NKTR: variants seen among roughly 807,000 people sequenced by gnomAD.
NKTR encodes NK-tumor recognition protein.
NKTR carries 67 observed loss-of-function variants against 156.3 expected under a neutral mutation model. The ratio of observed to expected loss-of-function variants is 0.43; its 90% confidence interval spans 0.35 to 0.53. The LOEUF is 0.53. NKTR is among the 20% of genes least tolerant of loss of function. The probability of loss-of-function intolerance (pLI) is 0.01; values close to 1 mark genes in which losing one functional copy is unlikely to be tolerated. For missense variants in NKTR, 1,604 were observed against 1,730.9 expected, an observed-to-expected ratio of 0.93 and a Z score of 1.30; for synonymous variants, 640 against 596.6, an observed-to-expected ratio of 1.07 and a Z score of -1.06.
At chr3:42,613,843 A>C (rs911887733) in intron 2 of NKTR, among the ~76,000 whole-genome samples, 1 of 152,160 alleles carries the variant, frequency 6.6e-6, no homozygotes, top group Admixed American at 6.6e-5. Context: ...TTTCGGATTA[A>C]ATTTAGAAAC....
intron 6 of NKTR, chr3:42,630,088 A>G (rs1388241846): frequency 1.0e-6 from 1 of 986,566 alleles, no homozygotes; most frequent in Non-Finnish European, 1.2e-6. Flanking sequence ...AGAAATAACA[A>G]GAAAACATTT....
chr3:42,631,815 C>T (rs952195475), intron 8 of NKTR, among the ~76,000 whole-genome samples: 1 of 152,154 alleles, frequency 6.6e-6, no homozygotes. Flanking sequence ...TCTCTAAACT[C>T]TTTTCCCTTA....
chr3:42,612,340 A>G (rs1002703339), intron 2 of NKTR: 1 of 152,184 alleles, frequency 6.6e-6, no homozygotes, highest in Non-Finnish European at 1.5e-5. Flanking sequence ...ACCTTTTTCC[A>G]CTGATTTTTG....
chr3:42,613,151 A>G (rs1463919871), intron 2 of NKTR, among the ~76,000 whole-genome samples: 1 of 152,114 alleles, frequency 6.6e-6, no homozygotes, highest in African/African-American at 2.4e-5. Flanking sequence ...TAGGTTATAT[A>G]TAAGTGCCCT....
intron 2 of NKTR, among the ~76,000 whole-genome samples, chr3:42,615,762 C>T (rs1707300018): frequency 6.6e-6 from 1 of 152,048 alleles, no homozygotes; most frequent in Non-Finnish European, 1.5e-5. Flanking sequence ...ACCAGCTAAG[C>T]CATTTCCCAG....
intron 13 of NKTR, among the ~76,000 whole-genome samples, chr3:42,641,887 A>G (rs1577588915): frequency 6.6e-6 from 1 of 152,074 alleles, no homozygotes; most frequent in Non-Finnish European, 1.5e-5. Flanking sequence ...AAAAAAAAAA[A>G]AAATAGAGCT....
intron 8 of NKTR, among the ~76,000 whole-genome samples, chr3:42,631,792 G>C (rs535367613): frequency 3.7e-4 from 57 of 152,284 alleles, no homozygotes; most frequent in Non-Finnish European, 6.9e-4. Flanking sequence ...GGCTGGTCTG[G>C]CTCTCTGCTG....
chr3:42,619,228 A>G (rs1020621578), intron 4 of NKTR, 101 bp downstream of exon 4: 4 of 1,537,202 alleles, frequency 2.6e-6, no homozygotes, highest in Non-Finnish European at 3.5e-6. Flanking sequence ...ACAGTATGAT[A>G]TAAAATGTGG....
intron 6 of NKTR, among the ~76,000 whole-genome samples, chr3:42,623,190 A>G (rs1405182241): frequency 6.6e-6 from 1 of 152,058 alleles, no homozygotes; most frequent in Non-Finnish European, 1.5e-5. Flanking sequence ...GCCTAATTTT[A>G]TATTGGACTA....
chr3:42,620,574 C>G (rs1707817527), intron 5 of NKTR: 5 of 984,894 alleles, frequency 5.1e-6, no homozygotes, highest in Non-Finnish European at 6.0e-6. Context: ...AAGGTAATCA[C>G]TTTTTAAAGT....
At chr3:42,627,102 T>C (rs2125796638) in intron 6 of NKTR, 1 of 838,862 alleles carries the variant, frequency 1.2e-6, no homozygotes, top group South Asian at 5.5e-5. Context: ...TTGAAAATAA[T>C]TAATTTCAAA....
chr3:42,617,264 T>C (rs567417021), intron 2 of NKTR, among the ~76,000 whole-genome samples: 27 of 152,328 alleles, frequency 1.8e-4, no homozygotes, highest in Non-Finnish European at 2.8e-4. Context: ...AGAAGATTTA[T>C]AGTTCAGATA....
Position 42,601,075 on chromosome 3 carries a change from A to C in NKTR, c.58+11A>C. 6.4e-7 allele frequency: 1 copy of C among 1,559,998 alleles called. No individual in the cohort carries two copies. Among genetic ancestry groups the C allele is most frequent in the East Asian group, 2.5e-5 (1 of 40,778 alleles). On this transcript the variant is annotated intron_variant, in intron 2 of 16. Coordinates refer to ENST00000232978, the MANE Select transcript of NKTR (RefSeq NM_005385.4). ...TCAACCGGGAGCCGGGTGAGCTGGA[A>C]ACTGGGGAGCGCTGCTGGGGCCGAG...
chr3:42,604,241 G>C lies in NKTR; in HGVS notation c.58+3177G>C, dbSNP rs1293007937. 2.6e-5 allele frequency among the ~76,000 whole-genome samples: 4 copies of C among 152,272 alleles called. 1 individual carries two copies. Among genetic ancestry groups the C allele is most frequent in the African/African-American group, 2.4e-5 (1 of 41,558 alleles). On this transcript the variant is annotated intron_variant, in intron 2 of 16. Coordinates refer to ENST00000232978, the MANE Select transcript of NKTR (RefSeq NM_005385.4). ...TTCATTATACATTTTCAGAGAACCA[G>C]ATTTTGATCTGATTGAATTTTGTTT...
intron 16 of NKTR, 122 bp from the exon 17 acceptor site, chr3:42,645,766 A>G: frequency 1.7e-6 from 1 of 585,972 alleles, no homozygotes; most frequent in Non-Finnish European, 3.1e-6. Context: ...TGCATCAGTT[A>G]TATGAGTGGC....
intron 5 of NKTR, 152 bp downstream of exon 5, chr3:42,619,860 A>G: frequency 7.0e-7 from 1 of 1,432,754 alleles, no homozygotes. Flanking sequence ...GAATTTGGGG[A>G]TAAATTATAT....
Position 42,637,410 on chromosome 3 carries a change from A to G in NKTR, c.1706A>G (p.Lys569Arg). The change falls in exon 13 of 17, where the codon AAA becomes AGA. Residue 569 changes from lysine to arginine, a missense_variant. Lys to Arg is a conservative substitution (Grantham distance 26). This residue lies in a region of NKTR where 1,255 missense variants were observed against 1,243.7 expected (regional missense o/e 1.01). Transcript: ENST00000232978. ...HRKRASKSPR[K>R]TASQLSENKP... is the part of the protein sequence containing the mutation. Reference sequence around the variant, plus strand: ...AAGAGAGCATCAAAATCACCAAGAAAAACAGCTTCTCAGTTAAGTGAAAAT... The same window carrying G: ...AAGAGAGCATCAAAATCACCAAGAAGAACAGCTTCTCAGTTAAGTGAAAAT... 3.1e-6 allele frequency: 5 copies of G among 1,613,514 alleles called. No individual in the cohort carries two copies. Among genetic ancestry groups the G allele is most frequent in the Middle Eastern group, 3.3e-4 (2 of 6,058 alleles).
chr3:42,634,360 T>C (rs188152229), intron 10 of NKTR, among the ~76,000 whole-genome samples: 105 of 152,354 alleles, frequency 6.9e-4, no homozygotes, highest in Non-Finnish European at 1.0e-3. Context: ...CTGGTGTCAT[T>C]GATAAGTTCC....
At position 42,639,767 on chromosome 3, in the gene NKTR, T is replaced by G; in HGVS notation, c.4046+17T>G. ...ATCTTATCGGTGAGCAATATTCTCT[T>G]TCCTTTCTTCTCCCAAGGAGAGTCT... On this transcript the variant is annotated intron_variant, in intron 13 of 16. Transcript: ENST00000232978. The G allele has an allele frequency of 6.5e-7, 1 of 1,528,920 alleles. No homozygotes were observed. The highest frequency in any genetic ancestry group is 8.9e-7 in the Non-Finnish European group (1 of 1,118,642). 94.7% of individuals were successfully genotyped at this position (1,528,920 alleles called of 1,614,324 possible).
Sources: gnomAD v4.1 joint callset for allele counts (sites outside exome capture counted in the v4.1 genomes callset) on GRCh38, gnomAD v4.1.1 for gene constraint, gnomAD v4.1.1 regional missense constraint, MANE v1.5 for transcripts, NCBI Gene and HGNC (gene_info 2026-07-23, HGNC 2026-07-21) for gene names.